The following TCERG1L variants were observed in gnomAD, a reference collection of about 807,000 sequenced individuals.
TCERG1L encodes the protein transcription elongation regulator 1 like.
Under a neutral mutation model 56.3 loss-of-function variants are expected in TCERG1L, and 37 were observed. That is an observed-to-expected ratio of 0.66 (90% CI 0.51 to 0.87). The LOEUF is 0.87. Among genes scored for constraint, TCERG1L ranks in the 40% least tolerant of loss-of-function variants. TCERG1L has a pLI of 0.00. For missense variants in TCERG1L, 799 were observed against 774.2 expected (o/e 1.03, Z -0.38); for synonymous variants, 324 against 326.3 (o/e 0.99, Z 0.08).
At chr10:131,117,616 G>C (rs1589779333) in intron 8 of TCERG1L, among the ~76,000 whole-genome samples, 1 of 152,200 alleles carries the variant, frequency 6.6e-6, no homozygotes, top group Non-Finnish European at 1.5e-5. Context: ...GCTGCACAAG[G>C]TGGAACCAAG....
chr10:131,166,699 A>C lies in TCERG1L; in HGVS notation c.945+98T>G. ...ACACAGCAGATGGCAGTCATTTCAC[A>C]AACACCATACAGCAAACAAGCGTGA... On this transcript the variant is annotated intron_variant, in intron 5 of 11. Coordinates refer to ENST00000368642, the MANE Select transcript of TCERG1L (RefSeq NM_174937.4). 5 of 1,240,878 alleles carry C rather than the reference A, an allele frequency of 4.0e-6. No individual in the cohort carries two copies. In the South Asian group the frequency reaches 6.9e-5, roughly 17 times the overall value. 76.9% of individuals were successfully genotyped at this position (1,240,878 alleles called of 1,614,324 possible).
intron 4 of TCERG1L, among the ~76,000 whole-genome samples, chr10:131,186,827 C>G (rs1297004287): frequency 6.6e-6 from 1 of 152,200 alleles, no homozygotes; most frequent in East Asian, 1.9e-4. Context: ...TGTTTTTTCT[C>G]ATCGGCTGGT....
At position 131,231,211 on chromosome 10, in the gene TCERG1L, G is replaced by A. The variant is rs557108351; in HGVS notation, c.856+29048C>T. On this transcript the variant is annotated intron_variant, in intron 4 of 11. Transcript: ENST00000368642. The stretch of plus-strand genomic sequence containing the variant: ...GCTGCCACTCTGACTGCAGCACGGC[G>A]GACACTGAGGGTTGCGACAGTGATG... Among the ~76,000 whole-genome samples, 22 of 152,308 alleles carry A rather than the reference G, an allele frequency of 1.4e-4. No individual in the cohort carries two copies. In the South Asian group the frequency reaches 3.7e-3, roughly 26 times the overall value.
chr10:131,308,413 A>C, intron 2 of TCERG1L, 22 bp from the exon 3 acceptor site: 1 of 1,606,448 alleles, frequency 6.2e-7, no homozygotes, highest in East Asian at 2.2e-5. Flanking sequence ...TAATGCAAGC[A>C]TAACACTGAA....
intron 3 of TCERG1L, among the ~76,000 whole-genome samples, chr10:131,285,642 G>GT (rs1846531539): frequency 6.6e-6 from 1 of 152,160 alleles, no homozygotes. Context: ...GCTAAACGCT[G>GT]TAATAGAGAT....
At chr10:131,244,191 G>A (rs1045771703) in intron 4 of TCERG1L, among the ~76,000 whole-genome samples, 1 of 152,160 alleles carries the variant, frequency 6.6e-6, no homozygotes, top group African/African-American at 2.4e-5. Context: ...GAGGCCCGGG[G>A]TCCTGGGGCA....
chr10:131,272,868 C>T (rs1178205189), intron 3 of TCERG1L, among the ~76,000 whole-genome samples: 1 of 152,184 alleles, frequency 6.6e-6, no homozygotes, highest in Non-Finnish European at 1.5e-5. Context: ...CTCCTCACCC[C>T]GGTTTCTGCA....
At chr10:131,126,112 T>C (rs945558141) in intron 8 of TCERG1L, among the ~76,000 whole-genome samples, 6 of 152,230 alleles carry the variant, frequency 3.9e-5, no homozygotes, top group African/African-American at 1.4e-4. Flanking sequence ...CCCCTGCTTC[T>C]GCCCTGCTCG....
chr10:131,201,999 T>C (rs1049520112), intron 4 of TCERG1L, among the ~76,000 whole-genome samples: 4 of 152,230 alleles, frequency 2.6e-5, no homozygotes, highest in Non-Finnish European at 5.9e-5. Context: ...GATCCTGTAA[T>C]GCGTTTCCGA....
At chr10:131,167,556 A>G (rs1846045418) in intron 4 of TCERG1L, among the ~76,000 whole-genome samples, 1 of 152,236 alleles carries the variant, frequency 6.6e-6, no homozygotes, top group Non-Finnish European at 1.5e-5. Flanking sequence ...GACCTTCCCA[A>G]GAAGGACAAA....
intron 7 of TCERG1L, among the ~76,000 whole-genome samples, chr10:131,142,401 G>A (rs184050327): frequency 3.3e-4 from 51 of 152,342 alleles, no homozygotes; most frequent in Admixed American, 2.7e-3. Flanking sequence ...ACAAACTCAG[G>A]AAAGTGACCC....
Position 131,120,174 on chromosome 10 carries a change from C to A in TCERG1L, c.1260-3240G>T, listed in dbSNP as rs1382170929. 2.0e-5 allele frequency among the ~76,000 whole-genome samples: 3 copies of A among 152,020 alleles called. No homozygotes were observed. In the East Asian group the frequency reaches 5.8e-4, roughly 29 times the overall value. The stretch of plus-strand genomic sequence containing the variant: ...TGATTCGTGTGTGTGTGTGTGTGAG[C>A]TTGTGTGTGTGCGCATGCGTGCATC... On this transcript the variant is annotated intron_variant, in intron 8 of 11. Transcript: ENST00000368642.
chr10:131,231,853 T>C (rs890178033), intron 4 of TCERG1L, among the ~76,000 whole-genome samples: 2 of 152,110 alleles, frequency 1.3e-5, no homozygotes, highest in African/African-American at 4.8e-5. Context: ...TCTCCACATG[T>C]GGGAGTCTGG....
chr10:131,266,843 T>C (rs1846291965), intron 3 of TCERG1L, among the ~76,000 whole-genome samples: 1 of 152,084 alleles, frequency 6.6e-6, no homozygotes, highest in Admixed American at 6.6e-5. Flanking sequence ...AACTCCTCTC[T>C]GCAGCTGGTC....
At chr10:131,190,618 C>A (rs76307957) in intron 4 of TCERG1L, among the ~76,000 whole-genome samples, 1 of 143,646 alleles carries the variant, frequency 7.0e-6, no homozygotes, top group Non-Finnish European at 1.5e-5. Flanking sequence ...GTTTAACACA[C>A]GCAAGTCATT....
At chr10:131,296,304 A>G (rs1165011770) in intron 3 of TCERG1L, among the ~76,000 whole-genome samples, 4 of 152,228 alleles carry the variant, frequency 2.6e-5, no homozygotes, top group Admixed American at 2.6e-4. Context: ...AAATGTATTC[A>G]TCAAGGATTG....
In TCERG1L at chr10:131,267,930, G is replaced by A. The variant is rs1254138505; in HGVS notation, c.671-7486C>T. 6.6e-6 allele frequency among the ~76,000 whole-genome samples: 1 copy of A among 152,184 alleles called. No individual in the cohort carries two copies. The highest frequency in any genetic ancestry group is 1.5e-5 in the Non-Finnish European group (1 of 68,020). ...CCCTAGTGCTCAGGGGTGGTCCAGG[G>A]CTCCCCTTTGCCCAGCTCACAACCC... On this transcript the variant is annotated intron_variant, in intron 3 of 11. Transcript: ENST00000368642. The surrounding 1 kb of genome is among the most constrained non-coding windows in gnomAD (Gnocchi z 4.9).
chr10:131,277,893 G>A (rs1299246695), intron 3 of TCERG1L, among the ~76,000 whole-genome samples: 3 of 152,088 alleles, frequency 2.0e-5, no homozygotes, highest in Non-Finnish European at 4.4e-5. Context: ...GAGAGCCACC[G>A]ACTTGGGAGG....
chr10:131,098,024 C>T (rs1393924440), intron 11 of TCERG1L, among the ~76,000 whole-genome samples: 5 of 152,148 alleles, frequency 3.3e-5, no homozygotes, highest in Admixed American at 6.5e-5. Context: ...GGGCTGCTGA[C>T]GTTTGAAATG....
Sources: allele counts gnomAD v4.1 joint callset (sites outside exome capture counted in the v4.1 genomes callset), GRCh38; gene constraint gnomAD v4.1.1; non-coding constraint Gnocchi (gnomAD v3.1); transcripts MANE v1.5; gene names NCBI Gene and HGNC (gene_info 2026-07-23, HGNC 2026-07-21).